CFAP77: variants seen among roughly 807,000 people sequenced by gnomAD.
CFAP77 encodes the protein cilia and flagella associated protein 77.
CFAP77 carries 25 observed loss-of-function variants against 31.1 expected under a neutral mutation model. That is an observed-to-expected ratio of 0.80 (90% CI 0.59 to 1.12). CFAP77 has a LOEUF of 1.12. Among genes scored for constraint, CFAP77 ranks in the 50% most tolerant of loss-of-function variants. The probability of loss-of-function intolerance (pLI) is 0.00; values close to 1 mark genes in which losing one functional copy is unlikely to be tolerated. For synonymous variants in CFAP77, 151 were observed against 159.9 expected, an observed-to-expected ratio of 0.94 and a Z score of 0.42; for missense variants, 377 against 397.3, an observed-to-expected ratio of 0.95 and a Z score of 0.44.
At chr9:132,523,634 A>T (rs2119024134) in intron 3 of CFAP77, among the ~76,000 whole-genome samples, 1 of 152,356 alleles carries the variant, frequency 6.6e-6, no homozygotes, top group Middle Eastern at 3.4e-3. Flanking sequence ...CTGAGCCCTG[A>T]CTGAGAGGCC....
intron 3 of CFAP77, among the ~76,000 whole-genome samples, chr9:132,500,627 T>C (rs1851825600): frequency 6.6e-6 from 1 of 152,166 alleles, no homozygotes; most frequent in African/African-American, 2.4e-5. Flanking sequence ...GATAAAGATA[T>C]AGAATAAATC....
At position 132,481,967 on chromosome 9, in the gene CFAP77, G is replaced by GC. The variant is rs1851453872; in HGVS notation, c.196-16728_196-16727insC. 6.6e-6 allele frequency among the ~76,000 whole-genome samples: 1 copy of GC among 151,344 alleles called. No homozygotes were observed. Among genetic ancestry groups the GC allele is most frequent in the Admixed American group, 6.6e-5 (1 of 15,200 alleles). On this transcript the variant is annotated intron_variant, in intron 1 of 5. Transcript: ENST00000393216. This position sits in a 1 kb window ranked among gnomAD's most constrained non-coding sequence, Gnocchi z 5.0. ...GAACAAGGGTTTATGGTTGGGGGGG[G>GC]GGGGGGCGGCGGAACACTGAACATT...
At chr9:132,534,473 G>A (rs748016482) in intron 3 of CFAP77, among the ~76,000 whole-genome samples, 22 of 152,008 alleles carry the variant, frequency 1.4e-4, no homozygotes, top group Non-Finnish European at 2.6e-4. Flanking sequence ...TTAGCCAGGC[G>A]TGGTGGTGGG....
At chr9:132,505,009 CAATA>C (rs1486084322) in intron 3 of CFAP77, among the ~76,000 whole-genome samples, 3 of 152,182 alleles carry the variant, frequency 2.0e-5, no homozygotes, top group African/African-American at 4.8e-5. Context: ...AGGTTTGGTC[CAATA>C]AATAAATAAA....
In CFAP77 at chr9:132,495,615, C is replaced by T. The variant is rs983142169; in HGVS notation, c.196-3080C>T. Among the ~76,000 whole-genome samples the T allele has an allele frequency of 1.1e-4, 17 of 151,976 alleles. No homozygotes were observed. Among genetic ancestry groups the T allele is most frequent in the African/African-American group, 1.9e-4 (8 of 41,366 alleles). On this transcript the variant is annotated intron_variant, in intron 1 of 5. Coordinates refer to ENST00000393216, the MANE Select transcript of CFAP77 (RefSeq NM_001282957.2). The surrounding 1 kb of genome is among the most constrained non-coding windows in gnomAD (Gnocchi z 4.2). ...TCTGGGATTTGAGATGGAAAAGAAG[C>T]GGAAGAAAAATGATCAACTGTTGTG...
rs1402042845 is a variant in CFAP77, at chr9:132,497,281, G to A, written c.196-1414G>A. Among the ~76,000 whole-genome samples the A allele has an allele frequency of 4.6e-5, 7 of 152,164 alleles. No homozygotes were observed. The highest frequency in any genetic ancestry group is 1.4e-4 in the African/African-American group (6 of 41,434). ...CACGCTGGGTGGTCCTTGACCATCT[G>A]TCTACCTCTCAGCACCCAGCCTGTG... is the stretch of plus-strand genomic sequence containing the variant. On this transcript the variant is annotated intron_variant, in intron 1 of 5. Transcript: ENST00000393216. This position sits in a 1 kb window ranked among gnomAD's most constrained non-coding sequence, Gnocchi z 4.9.
intron 5 of CFAP77, among the ~76,000 whole-genome samples, chr9:132,544,060 G>A (rs1312318643): frequency 2.6e-5 from 4 of 152,220 alleles, no homozygotes; most frequent in Non-Finnish European, 4.4e-5. Flanking sequence ...CCGCTGTGCC[G>A]CATTAAACTG....
intron 1 of CFAP77, among the ~76,000 whole-genome samples, chr9:132,457,297 C>T (rs888322481): frequency 4.3e-4 from 3 of 7,014 alleles, no homozygotes; most frequent in African/African-American, 1.1e-3. Flanking sequence ...CATCTTAAGA[C>T]GGGGACGGGG....
At chr9:132,510,416 ACAAT>A (rs1016452439) in intron 3 of CFAP77, among the ~76,000 whole-genome samples, 1 of 152,064 alleles carries the variant, frequency 6.6e-6, no homozygotes, top group African/African-American at 2.4e-5. Context: ...AGCTCACAAC[ACAAT>A]CAGAGGGGCT....
At chr9:132,438,541 A>ATATTTTTTT in intron 1 of CFAP77, among the ~76,000 whole-genome samples, 1 of 108,154 alleles carries the variant, frequency 9.2e-6, no homozygotes, top group Non-Finnish European at 1.8e-5. Context: ...ATATATATAT[A>ATATTTTTTT]TTTTTTTTTT....
At chr9:132,449,435 G>T (rs991605216) in intron 1 of CFAP77, among the ~76,000 whole-genome samples, 4 of 145,290 alleles carry the variant, frequency 2.8e-5, no homozygotes, top group Admixed American at 6.9e-5. Flanking sequence ...GAGTACACAG[G>T]TTTTTTTTTT....
In CFAP77 at chr9:132,433,749, T is replaced by C. The variant is rs568294462; in HGVS notation, c.195+23283T>C. Among the ~76,000 whole-genome samples, 1,203 of 151,052 alleles carry C rather than the reference T, an allele frequency of 8.0e-3. 27 individuals carry two copies. The highest frequency in any genetic ancestry group is 0.028 in the African/African-American group (1,141 of 41,184). On this transcript the variant is annotated intron_variant, in intron 1 of 5. Transcript: ENST00000393216. ...TTTTAATAGAGATGGGGTTTCACCA[T>C]GTCGGCCAGGCTGGTCTTGAACTCC... is the stretch of plus-strand genomic sequence containing the variant.
Position 132,499,819 on chromosome 9 carries a change from G to A in CFAP77, c.524+219G>A, listed in dbSNP as rs537675406. ...AGGGTACCCTGTAGGGCTGTGCACAGGTCACCCACTTTCCCTTGATCAACA... is the reference window on the plus strand; with the variant it reads ...AGGGTACCCTGTAGGGCTGTGCACAAGTCACCCACTTTCCCTTGATCAACA... On this transcript the variant is annotated intron_variant, in intron 3 of 5. Coordinates refer to ENST00000393216, the MANE Select transcript of CFAP77 (RefSeq NM_001282957.2). The surrounding 1 kb of genome is among the most constrained non-coding windows in gnomAD (Gnocchi z 5.4). 8.5e-5 allele frequency among the ~76,000 whole-genome samples: 13 copies of A among 152,140 alleles called. No homozygotes were observed. The highest frequency in any genetic ancestry group is 1.9e-4 in the Non-Finnish European group (13 of 68,016).
intron 1 of CFAP77, among the ~76,000 whole-genome samples, chr9:132,493,425 A>C (rs576122305): frequency 6.6e-6 from 1 of 152,190 alleles, no homozygotes; most frequent in Non-Finnish European, 1.5e-5. Context: ...GCTGTGGTTT[A>C]TCTGGTGCCG....
At chr9:132,541,032 A>G (rs1852631333) in intron 4 of CFAP77, among the ~76,000 whole-genome samples, 1 of 152,166 alleles carries the variant, frequency 6.6e-6, no homozygotes, top group Non-Finnish European at 1.5e-5. Flanking sequence ...AAACCCCCCA[A>G]ACGCTGGGAG....
chr9:132,514,267 G>A (rs933388741), intron 3 of CFAP77, among the ~76,000 whole-genome samples: 1 of 152,112 alleles, frequency 6.6e-6, no homozygotes. Flanking sequence ...CCCCTCCCCT[G>A]TGTCATTGAC....
chr9:132,536,387 A>AGTT (rs1300076421), intron 3 of CFAP77, among the ~76,000 whole-genome samples: 1 of 135,206 alleles, frequency 7.4e-6, no homozygotes, highest in Non-Finnish European at 1.6e-5. Context: ...TGTGGCTCAT[A>AGTT]GTTCTTTTTT....
chr9:132,507,024 T>A (rs924220372), intron 3 of CFAP77, among the ~76,000 whole-genome samples: 1 of 152,178 alleles, frequency 6.6e-6, no homozygotes, highest in African/African-American at 2.4e-5. Flanking sequence ...TGTAAGGCCA[T>A]CCTGTCTGGA....
At position 132,501,531 on chromosome 9, in the gene CFAP77, T is replaced by A. The variant is rs1564230069; in HGVS notation, c.524+1931T>A. ...GATTCTCCTGCCTCAGCCTCCCGAG[T>A]AGCTGGGACTACAGGCGTGCACCAA... On this transcript the variant is annotated intron_variant, in intron 3 of 5. Coordinates refer to ENST00000393216, the MANE Select transcript of CFAP77 (RefSeq NM_001282957.2). This position sits in a 1 kb window ranked among gnomAD's most constrained non-coding sequence, Gnocchi z 4.6. 6.6e-6 allele frequency among the ~76,000 whole-genome samples: 1 copy of A among 151,934 alleles called. No individual in the cohort carries two copies. The highest frequency in any genetic ancestry group is 2.1e-4 in the South Asian group (1 of 4,828).
Sources: gnomAD v4.1 joint callset for allele counts (sites outside exome capture counted in the v4.1 genomes callset) on GRCh38, gnomAD v4.1.1 for gene constraint, Gnocchi (gnomAD v3.1) non-coding constraint, MANE v1.5 for transcripts, NCBI Gene and HGNC (gene_info 2026-07-23, HGNC 2026-07-21) for gene names.